CASK: variants seen among roughly 807,000 people sequenced by gnomAD.
CASK encodes peripheral plasma membrane protein CASK.
A neutral mutation model predicts 82.9 loss-of-function variants in CASK; 4 were observed. That is an observed-to-expected ratio of 0.05 (90% CI 0.02 to 0.11). The LOEUF (loss-of-function observed/expected upper bound fraction) is 0.11. Ranked by LOEUF, CASK falls within the 10% of genes least tolerant of loss-of-function variation. CASK has a pLI of 1.00. For missense variants in CASK, 358 were observed against 720.9 expected, an observed-to-expected ratio of 0.50 and a Z score of 5.76; for synonymous variants, 259 against 253.5, an observed-to-expected ratio of 1.02 and a Z score of -0.20.
chrX:41,544,685 T>C (rs184678616), intron 21 of CASK, among the ~76,000 whole-genome samples: 9 of 100,387 alleles, frequency 9.0e-5, no homozygotes, highest in African/African-American at 3.3e-4. Flanking sequence ...CTGAGCAACA[T>C]AACAAGACCC....
At chrX:41,529,057 C>T (rs184874234) in intron 25 of CASK, among the ~76,000 whole-genome samples, 64 of 112,243 alleles carry the variant, frequency 5.7e-4, no homozygotes, top group South Asian at 2.2e-3. Flanking sequence ...TCCCCAGGGC[C>T]GCTGGCCCAA....
intron 1 of CASK, among the ~76,000 whole-genome samples, chrX:41,877,345 T>C (rs893226018): frequency 4.5e-5 from 5 of 111,777 alleles, no homozygotes; most frequent in African/African-American, 1.6e-4. Context: ...TGAGTAACTT[T>C]ATTTACCCAA....
intron 1 of CASK, among the ~76,000 whole-genome samples, chrX:41,901,180 C>T (rs2072373371): frequency 8.9e-6 from 1 of 112,265 alleles, no homozygotes; most frequent in South Asian, 3.7e-4. Flanking sequence ...AGTGTCTGCA[C>T]ATTTTACAAA....
At chrX:41,907,000 T>C (rs373713316) in intron 1 of CASK, among the ~76,000 whole-genome samples, 3 of 112,919 alleles carry the variant, frequency 2.7e-5, no homozygotes, top group African/African-American at 9.6e-5. Context: ...GCCTGACCCC[T>C]CTTCTCATTG....
chrX:41,681,482 G>T (rs961941062), intron 5 of CASK, among the ~76,000 whole-genome samples: 7 of 111,765 alleles, frequency 6.3e-5, no homozygotes, highest in African/African-American at 2.3e-4. Flanking sequence ...CAAGTCTTGC[G>T]AGTATTCACC....
intron 11 of CASK, among the ~76,000 whole-genome samples, chrX:41,612,564 C>T (rs1367251084): frequency 2.7e-4 from 24 of 88,529 alleles, no homozygotes; most frequent in East Asian, 8.0e-4. Flanking sequence ...CCGCCCCGTC[C>T]GGGAGGTGAG....
chrX:41,662,667 C>T (rs1411330224), intron 7 of CASK, among the ~76,000 whole-genome samples: 2 of 109,319 alleles, frequency 1.8e-5, no homozygotes, highest in African/African-American at 6.7e-5. Flanking sequence ...GGTGCATGCG[C>T]CTGTAATCCC....
At chrX:41,859,817 T>C (rs2071442946) in intron 1 of CASK, among the ~76,000 whole-genome samples, 1 of 111,416 alleles carries the variant, frequency 9.0e-6, no homozygotes, top group Non-Finnish European at 1.9e-5. Flanking sequence ...CAAGGTTATG[T>C]ATTGATCGGT....
intron 5 of CASK, among the ~76,000 whole-genome samples, chrX:41,679,766 T>G (rs2067320854): frequency 8.9e-6 from 1 of 112,326 alleles, no homozygotes; most frequent in South Asian, 3.7e-4. Context: ...TTCTTCTGTA[T>G]TTTTGTAAGA....
At chrX:41,576,220 G>A (rs1458482030) in intron 15 of CASK, among the ~76,000 whole-genome samples, 8 of 110,360 alleles carry the variant, frequency 7.2e-5, no homozygotes, top group African/African-American at 9.9e-5. Context: ...TGATCCACCC[G>A]CCTCGTCCTC....
intron 5 of CASK, among the ~76,000 whole-genome samples, chrX:41,690,670 T>C (rs2067535715): frequency 9.4e-6 from 1 of 106,764 alleles, no homozygotes; most frequent in East Asian, 2.9e-4. Flanking sequence ...CAATTTTTTT[T>C]TTTTTTATGT....
At chrX:41,773,279 G>A (rs1224175600) in intron 3 of CASK, among the ~76,000 whole-genome samples, 1 of 107,723 alleles carries the variant, frequency 9.3e-6, no homozygotes, top group African/African-American at 3.4e-5. Flanking sequence ...AGGGGCTGAG[G>A]TAGGAGGAAT....
intron 2 of CASK, among the ~76,000 whole-genome samples, chrX:41,829,136 C>T (rs756108887): frequency 9.0e-6 from 1 of 111,469 alleles, no homozygotes; most frequent in East Asian, 2.8e-4. Context: ...CTGCTCCACT[C>T]TTTCCCTTCG....
intron 3 of CASK, among the ~76,000 whole-genome samples, chrX:41,783,453 G>C (rs1185081356): frequency 9.2e-6 from 1 of 108,236 alleles, no homozygotes; most frequent in African/African-American, 3.4e-5. Flanking sequence ...GGAGGCTGAG[G>C]GAGGAGAATC....
chrX:41,609,490 A>G, intron 12 of CASK, among the ~76,000 whole-genome samples: 1 of 111,952 alleles, frequency 8.9e-6, no homozygotes, highest in Non-Finnish European at 1.9e-5. Context: ...AACTGAAAAG[A>G]ATTGTTATGA....
rs182984415 is a variant in CASK at position 41,595,595 on chromosome X, G to A, written c.1156-6003C>T. ...GGGTGACAGAATGAGACTCTGTTTG[G>A]GGTACCAAAAAAATAAAAATAAAAA... On this transcript the variant is annotated intron_variant, in intron 12 of 26. Coordinates refer to ENST00000378163, the MANE Select transcript of CASK (RefSeq NM_001367721.1). Among the ~76,000 whole-genome samples, 229 of 110,604 alleles carry A rather than the reference G, an allele frequency of 2.1e-3. 1 individual carries two copies. Among genetic ancestry groups the A allele is most frequent in the African/African-American group, 7.1e-3 (216 of 30,394 alleles).
intron 8 of CASK, among the ~76,000 whole-genome samples, chrX:41,637,285 A>T (rs1331634546): frequency 9.2e-6 from 1 of 109,083 alleles, no homozygotes. Context: ...TTGCCAGGTA[A>T]AACAAGCATT....
chrX:41,568,323 CA>C (rs764513306), intron 16 of CASK, among the ~76,000 whole-genome samples: 1 of 110,139 alleles, frequency 9.1e-6, no homozygotes, highest in African/African-American at 3.3e-5. Context: ...AAATAGCAAA[CA>C]AAAAACACAT....
intron 8 of CASK, among the ~76,000 whole-genome samples, chrX:41,653,922 C>T (rs990347153): frequency 8.9e-6 from 1 of 111,984 alleles, no homozygotes; most frequent in African/African-American, 3.3e-5. Flanking sequence ...CCTGAGGGAA[C>T]AGTCAGCCTA....
Sources: gnomAD v4.1 joint callset for allele counts (sites outside exome capture counted in the v4.1 genomes callset) on GRCh38, gnomAD v4.1.1 for gene constraint, MANE v1.5 for transcripts, NCBI Gene and HGNC (gene_info 2026-07-23, HGNC 2026-07-21) for gene names.